FXN: variants seen among roughly 807,000 people sequenced by gnomAD.
FXN encodes frataxin.
FXN carries 14 observed loss-of-function variants against 22.4 expected under a neutral mutation model. The ratio of observed to expected loss-of-function variants is 0.62; its 90% CI spans 0.41 to 0.98. The LOEUF is 0.98. FXN is among the 50% of genes least tolerant of loss of function. FXN has a pLI of 0.00. For missense variants in FXN, 267 were observed against 268.4 expected (o/e 0.99, Z 0.04); for synonymous variants, 120 against 114.1 (o/e 1.05, Z -0.33).
rs140671022 is a variant in FXN at position 69,047,433 on chromosome 9, C to T, written c.263+951C>T. 2.8e-4 allele frequency among the ~76,000 whole-genome samples: 43 copies of T among 152,294 alleles called. No homozygotes were observed. In the East Asian group the frequency reaches 5.0e-3, roughly 18 times the overall value. The stretch of plus-strand genomic sequence containing the variant: ...TGTAACTCCATTCAGAAAAGAGGCA[C>T]AGCACTAGCTGCCCGCAGCACTGGA... On this transcript the variant is annotated intron_variant, in intron 2 of 4. Coordinates refer to ENST00000484259, the MANE Select transcript of FXN (RefSeq NM_000144.5).
rs1832366899 is a variant in FXN, at chr9:69,076,285, A to G, written c.*3523A>G. 3 of 985,036 alleles carry G rather than the reference A, an allele frequency of 3.0e-6. No homozygotes were observed. The South Asian group carries it at 1.4e-4, about 46-fold the overall frequency. The allele number at this position is 985,036 out of a possible 1,614,324, so 61.0% of individuals were successfully genotyped here. On this transcript the variant is annotated 3_prime_UTR_variant, in exon 5 of 5. Coordinates refer to ENST00000484259, the MANE Select transcript of FXN (RefSeq NM_000144.5). ...TTGAGCCTGGGCCCACAGGCAAAGC[A>G]CAATCCTGATGTGAGAAGTACTCAG... is the stretch of plus-strand genomic sequence containing the variant.
At chr9:69,051,345 G>A (rs1831846297) in intron 2 of FXN, among the ~76,000 whole-genome samples, 1 of 151,892 alleles carries the variant, frequency 6.6e-6, no homozygotes, top group Non-Finnish European at 1.5e-5. Flanking sequence ...GCCTCCCAAA[G>A]TTCTGGTATT....
chr9:69,053,293 C>T lies in FXN; in HGVS notation c.384+33C>T, dbSNP rs1332645324. 2.5e-6 allele frequency: 4 copies of T among 1,609,350 alleles called. 1 individual carries two copies. In the South Asian group the frequency reaches 3.3e-5, roughly 13 times the overall value. ...TTGACTTCTTTTATTTTTCTGTTTC[C>T]CCCTCTAAGAATTTTAGTTCACTAA... is the stretch of plus-strand genomic sequence containing the variant. On this transcript the variant is annotated intron_variant, in intron 3 of 4. Coordinates refer to ENST00000484259, the MANE Select transcript of FXN (RefSeq NM_000144.5).
chr9:69,053,115 T>G, intron 2 of FXN, 25 bp from the exon 3 acceptor site: 1 of 1,612,052 alleles, frequency 6.2e-7, no homozygotes, highest in East Asian at 2.2e-5. Context: ...GTAATCATGT[T>G]TTGGGTTTTG....
At chr9:69,058,743 C>T (rs1832009310) in intron 3 of FXN, among the ~76,000 whole-genome samples, 1 of 152,086 alleles carries the variant, frequency 6.6e-6, no homozygotes, top group African/African-American at 2.4e-5. Flanking sequence ...GATTTATGCA[C>T]AGAAAAAGGA....
intron 1 of FXN, among the ~76,000 whole-genome samples, chr9:69,038,297 C>T (rs1319382444): frequency 6.6e-6 from 1 of 152,158 alleles, no homozygotes; most frequent in Non-Finnish European, 1.5e-5. Flanking sequence ...CTAAGCTCCC[C>T]CTGGTCTCCA....
intron 2 of FXN, 112 bp downstream of exon 2, chr9:69,046,594 G>A (rs1831760438): frequency 1.3e-6 from 1 of 743,270 alleles, no homozygotes; most frequent in Non-Finnish European, 2.4e-6. Flanking sequence ...ATCTTTCCAT[G>A]TGACTGAGTA....
intron 2 of FXN, among the ~76,000 whole-genome samples, chr9:69,047,222 A>G (rs1311663047): frequency 6.6e-6 from 1 of 152,096 alleles, no homozygotes; most frequent in Non-Finnish European, 1.5e-5. Context: ...AAGAGAGCCA[A>G]CCGATGCCCA....
intron 1 of FXN, among the ~76,000 whole-genome samples, chr9:69,039,168 G>C (rs923182358): frequency 6.6e-6 from 1 of 151,756 alleles, no homozygotes; most frequent in African/African-American, 2.4e-5. Flanking sequence ...CAGGATAATT[G>C]CTTGAACCCG....
At chr9:69,036,296 T>G (rs1297557479) in intron 1 of FXN, 1 of 174,006 alleles carries the variant, frequency 5.7e-6, no homozygotes, top group Non-Finnish European at 1.2e-5. Flanking sequence ...TGCGATAACT[T>G]GTTTCAGTAA....
At chr9:69,038,164 A>T (rs552588104) in intron 1 of FXN, among the ~76,000 whole-genome samples, 58 of 152,272 alleles carry the variant, frequency 3.8e-4, no homozygotes, top group African/African-American at 1.3e-3. Context: ...CATTTGTTTA[A>T]CCTGTCTGTT....
chr9:69,037,304 A>AGAAGAAGAAGAAGAAGAAG (rs58850165), intron 1 of FXN, among the ~76,000 whole-genome samples: 5 of 148,038 alleles, frequency 3.4e-5, no homozygotes, highest in Non-Finnish European at 4.5e-5. Context: ...AAGAAGAAGA[A>AGAAGAAGAAGAAGAAGAAG]AATAAAGAAA....
intron 1 of FXN, 51 bp downstream of exon 1, chr9:69,035,998 G>T: frequency 7.6e-7 from 1 of 1,309,540 alleles, no homozygotes; most frequent in Non-Finnish European, 9.7e-7. Flanking sequence ...CGGGCCGCAC[G>T]CCGCACGCCT....
At position 69,077,291 on chromosome 9, in the gene FXN, C is replaced by G; in HGVS notation, c.*4529C>G. 3.0e-6 allele frequency: 3 copies of G among 985,308 alleles called. No individual in the cohort carries two copies. The highest frequency in any genetic ancestry group is 3.6e-6 in the Non-Finnish European group (3 of 829,858). The allele number at this position is 985,308 out of a possible 1,614,324, so 61.0% of individuals were successfully genotyped here. On this transcript the variant is annotated 3_prime_UTR_variant, in exon 5 of 5. Transcript: ENST00000484259. ...ATCCCGAAGTACCTGATCAGTGGCC[C>G]CTTTGGAATGTGTAAAACTCAGCTC...
At chr9:69,058,449 G>C (rs1832003796) in intron 3 of FXN, among the ~76,000 whole-genome samples, 1 of 151,848 alleles carries the variant, frequency 6.6e-6, no homozygotes, top group Admixed American at 6.6e-5. Context: ...ATAAGGATTT[G>C]CTTGTTGACA....
intron 2 of FXN, among the ~76,000 whole-genome samples, chr9:69,050,207 C>T (rs576438866): frequency 6.6e-6 from 1 of 152,312 alleles, no homozygotes; most frequent in South Asian, 2.1e-4. Flanking sequence ...TGAGATTCAT[C>T]CATGCTGTTC....
chr9:69,067,946 G>A (rs960555016), intron 4 of FXN, among the ~76,000 whole-genome samples: 2 of 152,142 alleles, frequency 1.3e-5, no homozygotes, highest in African/African-American at 4.8e-5. Flanking sequence ...AGAAAACAGG[G>A]CCCAAAATGA....
At position 69,077,010 on chromosome 9, in the gene FXN, G is replaced by A. The variant is rs1237257957; in HGVS notation, c.*4248G>A. Reference sequence around the variant, plus strand: ...GCTCACTACAACCTCCGCCTCCTGGGTTCAAGCAATTCTCTGCCTCAGCCT... The same window carrying A: ...GCTCACTACAACCTCCGCCTCCTGGATTCAAGCAATTCTCTGCCTCAGCCT... On this transcript the variant is annotated 3_prime_UTR_variant, in exon 5 of 5. Coordinates refer to ENST00000484259, the MANE Select transcript of FXN (RefSeq NM_000144.5). The A allele has an allele frequency of 7.4e-6, 5 of 673,184 alleles. No homozygotes were observed. Among genetic ancestry groups the A allele is most frequent in the East Asian group, 2.7e-4 (2 of 7,392 alleles). The allele number at this position is 673,184 out of a possible 1,614,324, so 41.7% of individuals were successfully genotyped here.
Position 69,074,201 on chromosome 9 carries a change from A to G in FXN, c.*1439A>G, listed in dbSNP as rs1310215639. The stretch of plus-strand genomic sequence containing the variant: ...TCTGTCTCAAAATAATAATAACAAT[A>G]TAATAATAATAATAGCCATCCTTTA... On this transcript the variant is annotated 3_prime_UTR_variant, in exon 5 of 5. Transcript: ENST00000484259. The G allele has an allele frequency of 2.6e-6, 2 of 768,822 alleles. No homozygotes were observed. Among genetic ancestry groups the G allele is most frequent in the South Asian group, 6.5e-5 (1 of 15,374 alleles). 47.6% of individuals were successfully genotyped at this position (768,822 alleles called of 1,614,324 possible).
Sources: allele counts gnomAD v4.1 joint callset (sites outside exome capture counted in the v4.1 genomes callset), GRCh38; gene constraint gnomAD v4.1.1; transcripts MANE v1.5; gene names NCBI Gene and HGNC (gene_info 2026-07-23, HGNC 2026-07-21).